SRRM3: variants seen among roughly 807,000 people sequenced by gnomAD.
The protein encoded by SRRM3 is serine/arginine repetitive matrix 3.
A neutral mutation model predicts 66.2 loss-of-function variants in SRRM3; 27 were observed. That is an observed-to-expected ratio of 0.41 (90% CI 0.30 to 0.56). The LOEUF (loss-of-function observed/expected upper bound fraction) is 0.56. Among genes scored for constraint, SRRM3 ranks in the 20% least tolerant of loss-of-function variants. SRRM3 has a pLI of 0.32. For missense variants in SRRM3, 918 were observed against 991.9 expected (o/e 0.93, Z 1.00); for synonymous variants, 391 against 414.9 (o/e 0.94, Z 0.70).
At chr7:76,260,979 A>C (rs1208208186) in intron 6 of SRRM3, 76 bp downstream of exon 6, 1 of 1,480,614 alleles carries the variant, frequency 6.8e-7, no homozygotes, top group Non-Finnish European at 9.2e-7. Context: ...GCCATCCCCC[A>C]GAGGCCGGAG....
At chr7:76,269,484 C>T (rs979986955) in intron 11 of SRRM3, 5 of 150,068 alleles carry the variant, frequency 3.3e-5, no homozygotes, top group African/African-American at 7.4e-5. Flanking sequence ...TTACCATGAA[C>T]GAAACCGTCT....
At chr7:76,261,507 C>T (rs1801869171) in intron 7 of SRRM3, 39 bp from the exon 8 acceptor site, 1 of 1,607,510 alleles carries the variant, frequency 6.2e-7, no homozygotes, top group Non-Finnish European at 8.5e-7. Flanking sequence ...CCTGGGCCAC[C>T]CCAGGCAGGC....
At chr7:76,218,054 G>A (rs1299797318) in intron 1 of SRRM3, among the ~76,000 whole-genome samples, 6 of 152,188 alleles carry the variant, frequency 3.9e-5, no homozygotes, top group Non-Finnish European at 8.8e-5. Flanking sequence ...AAAGGAAAAG[G>A]GATCTGGTTA....
At chr7:76,283,549 T>A in intron 14 of SRRM3, 1 of 453,304 alleles carries the variant, frequency 2.2e-6, no homozygotes, top group Non-Finnish European at 4.4e-6. Context: ...TGGCCTGTGG[T>A]CAGCCTGGGG....
In SRRM3 at chr7:76,215,794, T is replaced by A. The variant is rs1164276674; in HGVS notation, c.-40+13727T>A. ...GGCATGTGCCACCACACCTGGCTAATTTTTTTTTTTTTTTTTTTTTTGAGA... is the reference window on the plus strand; with the variant it reads ...GGCATGTGCCACCACACCTGGCTAAATTTTTTTTTTTTTTTTTTTTTGAGA... On this transcript the variant is annotated intron_variant, in intron 1 of 14. Transcript: ENST00000611745. Among the ~76,000 whole-genome samples, 82 of 97,364 alleles carry A rather than the reference T, an allele frequency of 8.4e-4. 1 individual carries two copies. Among genetic ancestry groups the A allele is most frequent in the African/African-American group, 5.4e-3 (79 of 14,680 alleles). 63.9% of individuals were successfully genotyped at this position (97,364 alleles called of 152,430 possible). A position where few individuals can be genotyped will look rare whatever the true frequency, so the allele number is the denominator to read the frequency against.
At chr7:76,282,153 ACT>A (rs1280644625) in intron 12 of SRRM3, among the ~76,000 whole-genome samples, 2 of 145,186 alleles carry the variant, frequency 1.4e-5, no homozygotes, top group Admixed American at 6.8e-5. Flanking sequence ...GACGACCCCA[ACT>A]CTCTCTAGGG....
At chr7:76,218,001 AGGCCCCTGACACTT>A (rs1235048682) in intron 1 of SRRM3, among the ~76,000 whole-genome samples, 3 of 152,212 alleles carry the variant, frequency 2.0e-5, no homozygotes, top group African/African-American at 7.2e-5. Flanking sequence ...GCCAGTATCC[AGGCCCCTGACACTT>A]GGTCCAGATA....
intron 11 of SRRM3, 73 bp downstream of exon 11, chr7:76,267,508 C>A: frequency 3.3e-6 from 1 of 299,414 alleles, no homozygotes; most frequent in South Asian, 7.9e-5. Context: ...GGGTCGCCAG[C>A]GGGGCAGGGG....
intron 1 of SRRM3, among the ~76,000 whole-genome samples, chr7:76,229,817 C>T (rs1800968849): frequency 6.7e-6 from 1 of 149,784 alleles, no homozygotes. Context: ...GATCTCGGCT[C>T]ACTGCAATCT....
At position 76,282,953 on chromosome 7, in the gene SRRM3, C is replaced by G. The variant is rs1802565909; in HGVS notation, c.1596-11C>G. ...GCCGCGTCGCTCACTTACCTCGCGC[C>G]GGCCCCGCAGGGACAAGGACGGCGA... is the stretch of plus-strand genomic sequence containing the variant. On this transcript the variant is annotated splice_polypyrimidine_tract_variant and intron_variant, in intron 13 of 14. Transcript: ENST00000611745. 2 of 1,336,462 alleles carry G rather than the reference C, an allele frequency of 1.5e-6. No homozygotes were observed. Among genetic ancestry groups the G allele is most frequent in the Non-Finnish European group, 1.9e-6 (2 of 1,048,968 alleles). The allele number at this position is 1,336,462 out of a possible 1,614,324, so 82.8% of individuals were successfully genotyped here.
chr7:76,246,358 G>A (rs1801439388), intron 2 of SRRM3, among the ~76,000 whole-genome samples: 1 of 152,044 alleles, frequency 6.6e-6, no homozygotes, highest in African/African-American at 2.4e-5. Flanking sequence ...GAGGTCAGGA[G>A]TTCATGACCA....
rs1802001587 is a variant in SRRM3 at position 76,265,831 on chromosome 7, TA to T, written c.830+364del. Among the ~76,000 whole-genome samples, 7 of 12,494 alleles carry T rather than the reference TA, an allele frequency of 5.6e-4. No individual in the cohort carries two copies. The South Asian group carries it at 0.011, about 20-fold the overall frequency. The allele number at this position is 12,494 out of a possible 152,430, so 8.2% of individuals were successfully genotyped here. ...ATTTTATATATTTAATAAATATTTA[TA>T]TATATATATATATATATATATATAT... On this transcript the variant is annotated intron_variant, in intron 10 of 14. Coordinates refer to ENST00000611745, the MANE Select transcript of SRRM3 (RefSeq NM_001110199.3).
intron 2 of SRRM3, among the ~76,000 whole-genome samples, chr7:76,241,193 G>A (rs1439519444): frequency 2.6e-5 from 4 of 152,168 alleles, no homozygotes; most frequent in Non-Finnish European, 4.4e-5. Flanking sequence ...CACTGTGCCC[G>A]GCCTAGAAAC....
intron 11 of SRRM3, among the ~76,000 whole-genome samples, chr7:76,281,209 A>T (rs1802491147): frequency 3.1e-5 from 4 of 130,806 alleles, no homozygotes; most frequent in Admixed American, 7.8e-5. Flanking sequence ...GTCTCTCTTC[A>T]TTCTCTCTCT....
intron 1 of SRRM3, among the ~76,000 whole-genome samples, chr7:76,220,111 C>A (rs1029329444): frequency 1.3e-5 from 2 of 152,162 alleles, no homozygotes; most frequent in African/African-American, 4.8e-5. Flanking sequence ...CAAACACAGG[C>A]GGGGTCTCAG....
At chr7:76,257,727 G>A (rs1801749827) in intron 3 of SRRM3, among the ~76,000 whole-genome samples, 1 of 151,790 alleles carries the variant, frequency 6.6e-6, no homozygotes, top group African/African-American at 2.4e-5. Flanking sequence ...GAGCTGTGAT[G>A]GCACAACTGC....
At chr7:76,259,871 C>G (rs1554608265) in intron 3 of SRRM3, 35 bp from the exon 4 acceptor site, 1 of 1,599,264 alleles carries the variant, frequency 6.3e-7, no homozygotes, top group Admixed American at 1.7e-5. Context: ...AAAAGTCGTC[C>G]CGAGACTGGT....
intron 1 of SRRM3, among the ~76,000 whole-genome samples, chr7:76,224,370 G>A (rs1554603539): frequency 3.3e-5 from 5 of 151,230 alleles, no homozygotes; most frequent in Admixed American, 2.0e-4. Context: ...ATGAGCCACC[G>A]CGCCCGGCCA....
chr7:76,217,755 C>G (rs1431267941), intron 1 of SRRM3, among the ~76,000 whole-genome samples: 2 of 152,132 alleles, frequency 1.3e-5, no homozygotes, highest in Non-Finnish European at 2.9e-5. Context: ...AATAATGAGG[C>G]AGTTCTGGCC....
Sources: gnomAD v4.1 joint callset for allele counts (sites outside exome capture counted in the v4.1 genomes callset) on GRCh38, gnomAD v4.1.1 for gene constraint, MANE v1.5 for transcripts, NCBI Gene and HGNC (gene_info 2026-07-23, HGNC 2026-07-21) for gene names.